ZNF318: variants seen among roughly 807,000 people sequenced by gnomAD.
ZNF318 encodes the protein zinc finger protein 318.
ZNF318 carries 51 observed loss-of-function variants against 124.2 expected under a neutral mutation model. That is an observed-to-expected ratio of 0.41 (90% confidence interval 0.33 to 0.52). ZNF318 has a LOEUF of 0.52. Ranked by LOEUF, ZNF318 falls within the 20% of genes least tolerant of loss-of-function variation. The probability of loss-of-function intolerance (pLI) is 0.23; values close to 1 mark genes in which losing one functional copy is unlikely to be tolerated. For missense variants in ZNF318, 2,815 were observed against 2,811.2 expected (o/e 1.00, Z -0.03); for synonymous variants, 1,090 against 1,040.7 (o/e 1.05, Z -0.91).
Position 43,355,383 on chromosome 6 carries a change from G to A in ZNF318, c.1951C>T (p.Arg651Cys), listed in dbSNP as rs780911532. ...GAGGAACAGCGGTCAGCTGAGAAGC[G>A]GTGGTCAACTGAGGAACAGTGGTCA... ...SADHCSSVDH[R>C]FSADRCSSVD... Residue 651 changes from arginine (R) to cysteine (C), a missense_variant, in exon 4 of 10, where the codon CGC (arginine) becomes TGC (cysteine). Physicochemically the swap from Arg to Cys is radical, Grantham distance 180 (BLOSUM62 -3). Around this residue, in one of 4 missense-constraint regions of ZNF318, gnomAD observed 1,377 missense variants for 1,353.5 expected, o/e 1.02. Coordinates refer to ENST00000361428, the MANE Select transcript of ZNF318 (RefSeq NM_014345.3). 1.3e-5 allele frequency: 21 copies of A among 1,613,980 alleles called. No homozygotes were observed. The highest frequency in any genetic ancestry group is 4.0e-5 in the African/African-American group (3 of 74,918).
At chr6:43,341,064 T>C (rs1254874748) in intron 8 of ZNF318, among the ~76,000 whole-genome samples, 156 bp from the exon 9 acceptor site, 4 of 152,186 alleles carry the variant, frequency 2.6e-5, no homozygotes, top group African/African-American at 9.7e-5. Context: ...TGAATCCCAA[T>C]GGCACAGTCT....
At position 43,355,860 on chromosome 6, in the gene ZNF318, C is replaced by G; in HGVS notation, c.1474G>C (p.Asp492His). 1.2e-6 allele frequency: 2 copies of G among 1,614,256 alleles called. No homozygotes were observed. Among genetic ancestry groups the G allele is most frequent in the Non-Finnish European group, 1.7e-6 (2 of 1,180,042 alleles). ...LKAEGPERHTDFLLPHERASQ... is the reference protein window; with the variant it reads ...LKAEGPERHTHFLLPHERASQ... ...GCTCTCTCATGGGGCAGCAGGAAGT[C>G]TGTGTGTCGCTCAGGTCCCTCAGCC... Residue 492 changes from aspartate to histidine, a missense_variant, in exon 4 of 10, where the codon GAC becomes CAC. Asp to His is a moderately conservative substitution (Grantham distance 81). Transcript: ENST00000361428.
intron 2 of ZNF318, among the ~76,000 whole-genome samples, chr6:43,358,006 A>G (rs1779634352): frequency 6.6e-6 from 1 of 152,140 alleles, no homozygotes; most frequent in Non-Finnish European, 1.5e-5. Context: ...CTCCGACTAG[A>G]CTTAGGGCAT....
At chr6:43,354,428 C>T (rs1211206629) in intron 4 of ZNF318, among the ~76,000 whole-genome samples, 1 of 152,184 alleles carries the variant, frequency 6.6e-6, no homozygotes, top group Non-Finnish European at 1.5e-5. Flanking sequence ...TAGAATTAAA[C>T]TTAAAAAAGG....
intron 6 of ZNF318, among the ~76,000 whole-genome samples, chr6:43,346,525 A>G (rs1189682824): frequency 3.0e-4 from 1 of 3,340 alleles, no homozygotes; most frequent in African/African-American, 9.1e-4. Flanking sequence ...ATCTTTAACC[A>G]AAAAAAAAAA....
At chr6:43,348,666 T>A (rs766806132) in intron 5 of ZNF318, 41 bp from the exon 6 acceptor site, 2 of 1,592,228 alleles carry the variant, frequency 1.3e-6, no homozygotes, top group Admixed American at 3.5e-5. Flanking sequence ...ACAGGGAAAA[T>A]AAGACGAGTC....
At position 43,338,004 on chromosome 6, in the gene ZNF318, T is replaced by C; in HGVS notation, c.5994A>G (p.Leu1998=). 1 of 1,614,216 alleles carries C rather than the reference T, an allele frequency of 6.2e-7. No homozygotes were observed. The highest frequency in any genetic ancestry group is 1.3e-5 in the African/African-American group (1 of 75,064). ...TTAAGTCTGTAGCTTCAAAGTCTTC[T>C]AGGGCCTTGCTTTCTATTGTCACTG... The part of the protein sequence containing the change: ...ELTVTIESKA[L]EDFEATDLKV... The change falls in exon 10 of 10, where the codon CTA becomes CTG. Residue 1998 remains leucine, a synonymous_variant. Transcript: ENST00000361428.
In ZNF318 at chr6:43,355,983, A is replaced by G. The variant is rs763868113; in HGVS notation, c.1351T>C (p.Tyr451His). The G allele has an allele frequency of 6.2e-7, 1 of 1,614,214 alleles. No individual in the cohort carries two copies. The highest frequency in any genetic ancestry group is 1.7e-5 in the Admixed American group (1 of 60,026). Residue 451 changes from tyrosine (Y) to histidine (H), a missense_variant, in exon 4 of 10, where the codon TAC becomes CAC. By Grantham distance (83) the Tyr-to-His change is moderately conservative. This residue lies in a region of ZNF318 where 1,377 missense variants were observed against 1,353.5 expected (regional missense o/e 1.02). Transcript: ENST00000361428. ...ATCCCAGGAAGGGGACCCCATTGGT[A>G]GAGGTTGCCCTGAGGTTCCTTCAAG... ...TALKEPQGNL[Y>H]QWGPLPGIPK...
rs748562538 is a variant in ZNF318 at position 43,354,770 on chromosome 6, G to A, written c.2564C>T (p.Ser855Leu). Reference protein sequence around the residue: ...KPKQKESLRGSIPAAQVPVQV... With the variant: ...KPKQKESLRGLIPAAQVPVQV... The stretch of plus-strand genomic sequence containing the variant: ...GACAGGCACTTGGGCCGCAGGAATT[G>A]AGCCTCGCAGAGACTCTTTCTGCTT... Residue 855 changes from serine (S) to leucine (L), a missense_variant, in exon 4 of 10, where the codon TCA becomes TTA. Transcript: ENST00000361428. The A allele has an allele frequency of 1.9e-6, 3 of 1,614,044 alleles. No homozygotes were observed. The African/African-American group carries it at 4.0e-5, about 22-fold the overall frequency.
rs1779578298 is a variant in ZNF318, at chr6:43,354,682, A to G, written c.2652T>C (p.Arg884=). ...TATTCACCTTTTGCTTCTGGGAAGC[A>G]CGGTTCTTCTCATCAGAGATCTTCT... ...NPEKISDEKN[R]ASQKQKVIEE... Residue 884 remains arginine (R), a synonymous_variant, in exon 4 of 10, where the codon CGT becomes CGC. Transcript: ENST00000361428. The G allele has an allele frequency of 1.9e-6, 3 of 1,606,752 alleles. No individual in the cohort carries two copies. Among genetic ancestry groups the G allele is most frequent in the Non-Finnish European group, 2.6e-6 (3 of 1,175,510 alleles).
At chr6:43,350,615 G>A (rs1194590654) in intron 5 of ZNF318, among the ~76,000 whole-genome samples, 1 of 151,864 alleles carries the variant, frequency 6.6e-6, no homozygotes, top group Non-Finnish European at 1.5e-5. Flanking sequence ...CAGAGCTCAG[G>A]AGTTTTGAGA....
chr6:43,351,247 A>G (rs1340584106), intron 5 of ZNF318, among the ~76,000 whole-genome samples: 1 of 152,272 alleles, frequency 6.6e-6, no homozygotes, highest in African/African-American at 2.4e-5. Flanking sequence ...AGGAACGTGA[A>G]AACTGAATGT....
chr6:43,357,998 C>T (rs1352904103), intron 2 of ZNF318, among the ~76,000 whole-genome samples: 1 of 152,162 alleles, frequency 6.6e-6, no homozygotes, highest in Admixed American at 6.6e-5. Flanking sequence ...GGTAATTTCT[C>T]CGACTAGACT....
chr6:43,344,944 T>A (rs1779417685), intron 6 of ZNF318, among the ~76,000 whole-genome samples: 1 of 152,062 alleles, frequency 6.6e-6, no homozygotes, highest in Non-Finnish European at 1.5e-5. Flanking sequence ...TACACCAAGG[T>A]ATTAATAACA....
At chr6:43,358,973 T>TAA (rs1336756169) in intron 2 of ZNF318, among the ~76,000 whole-genome samples, 1 of 152,214 alleles carries the variant, frequency 6.6e-6, no homozygotes, top group Admixed American at 6.5e-5. Flanking sequence ...CTATCCCAGT[T>TAA]AAATCACACT....
At chr6:43,362,805 A>G (rs1779700830) in intron 2 of ZNF318, among the ~76,000 whole-genome samples, 1 of 152,146 alleles carries the variant, frequency 6.6e-6, no homozygotes, top group Non-Finnish European at 1.5e-5. Flanking sequence ...CGCCAGGCCC[A>G]AACATCTACA....
rs745914918 is a variant in ZNF318 at position 43,356,056 on chromosome 6, A to G, written c.1278T>C (p.Ala426=). The change falls in exon 4 of 10, where the codon GCT becomes GCC. Residue 426 remains alanine, a synonymous_variant. Coordinates refer to ENST00000361428, the MANE Select transcript of ZNF318 (RefSeq NM_014345.3). Reference sequence around the variant, plus strand: ...TGTTTTCAATCTCTGAGGCAAAAGCAGCAATAGCACCACTTAGTGGAAGGG... The same window carrying G: ...TGTTTTCAATCTCTGAGGCAAAAGCGGCAATAGCACCACTTAGTGGAAGGG... ...HPSLPLSGAI[A]AFASEIENKG... is the part of the protein sequence containing the mutation. 6.2e-7 allele frequency: 1 copy of G among 1,614,240 alleles called. No homozygotes were observed. Among genetic ancestry groups the G allele is most frequent in the Admixed American group, 1.7e-5 (1 of 60,036 alleles).
At chr6:43,350,721 G>A (rs1430714545) in intron 5 of ZNF318, among the ~76,000 whole-genome samples, 3 of 151,982 alleles carry the variant, frequency 2.0e-5, no homozygotes, top group Non-Finnish European at 4.4e-5. Context: ...TACTCAGGAG[G>A]ATCACCTGAG....
chr6:43,340,013 C>T lies in ZNF318; in HGVS notation c.3985G>A (p.Val1329Ile). The change falls in exon 10 of 10, where the codon GTT (valine) becomes ATT (isoleucine). Residue 1329 changes from valine to isoleucine, a missense_variant. Coordinates refer to ENST00000361428, the MANE Select transcript of ZNF318 (RefSeq NM_014345.3). The stretch of plus-strand genomic sequence containing the variant: ...ATCCAAGGGCTGGTATGTGCAACAA[C>T]AGTTTTCCCAGAGAGCTTGATTTTG... ...PIKIKLSGKT[V>I]VAHTSPWMPV... 1 of 1,614,208 alleles carries T rather than the reference C, an allele frequency of 6.2e-7. No individual in the cohort carries two copies. Among genetic ancestry groups the T allele is most frequent in the Non-Finnish European group, 8.5e-7 (1 of 1,180,032 alleles).
Sources: gnomAD v4.1 joint callset for allele counts (sites outside exome capture counted in the v4.1 genomes callset) on GRCh38, gnomAD v4.1.1 for gene constraint, gnomAD v4.1.1 regional missense constraint, MANE v1.5 for transcripts, NCBI Gene and HGNC (gene_info 2026-07-23, HGNC 2026-07-21) for gene names.